CIMAP3: variants seen among roughly 807,000 people sequenced by gnomAD.
The protein encoded by CIMAP3 is ciliary microtubule-associated protein 3.
At chr1:111,347,663 A>G in the CIMAP3 span, 1 of 1,485,232 alleles carries the variant, frequency 6.7e-7, no homozygotes, top group Non-Finnish European at 9.1e-7. Flanking sequence ...TTTTTAATAT[A>G]CCACCCAAAG....
chr1:111,331,610 T>C, the CIMAP3 span, among the ~76,000 whole-genome samples: 63 of 152,324 alleles, frequency 4.1e-4, no homozygotes, highest in African/African-American at 1.5e-3. Flanking sequence ...CCTTATTTCA[T>C]TGAATTTTCT....
the CIMAP3 span, among the ~76,000 whole-genome samples, chr1:111,338,531 G>T: frequency 3.9e-5 from 6 of 152,038 alleles, no homozygotes; most frequent in East Asian, 5.8e-4. Context: ...TATCACCACC[G>T]ATCCCACAGA....
the CIMAP3 span, among the ~76,000 whole-genome samples, chr1:111,344,540 C>T: frequency 6.6e-6 from 1 of 152,134 alleles, no homozygotes; most frequent in South Asian, 2.1e-4. Flanking sequence ...TCTGAATGTT[C>T]TTTCTTTCTG....
At chr1:111,340,445 G>A in the CIMAP3 span, among the ~76,000 whole-genome samples, 17 of 152,000 alleles carry the variant, frequency 1.1e-4, no homozygotes, top group Admixed American at 2.6e-4. Context: ...GAAAATTTTC[G>A]CAACCTACTC....
the CIMAP3 span, among the ~76,000 whole-genome samples, chr1:111,329,880 G>T: frequency 2.6e-5 from 4 of 151,926 alleles, no homozygotes; most frequent in Admixed American, 1.3e-4. Flanking sequence ...CAGAAGTTTT[G>T]TTCATTCCTT....
the CIMAP3 span, among the ~76,000 whole-genome samples, chr1:111,331,025 C>T: frequency 6.6e-6 from 1 of 152,186 alleles, no homozygotes; most frequent in Non-Finnish European, 1.5e-5. Context: ...AAATATCAAC[C>T]CATTCTCTCC....
At chr1:111,334,998 C>T in the CIMAP3 span, among the ~76,000 whole-genome samples, 1 of 151,708 alleles carries the variant, frequency 6.6e-6, no homozygotes. Context: ...CGTGGTGGTG[C>T]ACACCTGTAA....
the CIMAP3 span, chr1:111,352,292 GCTT>G: frequency 6.6e-6 from 1 of 152,566 alleles, no homozygotes; most frequent in Non-Finnish European, 1.5e-5. Context: ...ACCCACTTAG[GCTT>G]CTTCGTAATT....
At chr1:111,325,011 T>A in the CIMAP3 span, 1 of 527,934 alleles carries the variant, frequency 1.9e-6, no homozygotes, top group Non-Finnish European at 2.4e-6. Context: ...TGATTCTGGA[T>A]GGAGGCAGAG....
At chr1:111,332,842 C>T in the CIMAP3 span, among the ~76,000 whole-genome samples, 1 of 152,212 alleles carries the variant, frequency 6.6e-6, no homozygotes, top group African/African-American at 2.4e-5. Flanking sequence ...GCTCAGCTGG[C>T]CTGGGGGCTT....
the CIMAP3 span, chr1:111,347,065 C>T: frequency 6.3e-7 from 1 of 1,586,580 alleles, no homozygotes; most frequent in Non-Finnish European, 8.6e-7. Context: ...TATTCACCTC[C>T]CCTTAGATGC....
the CIMAP3 span, among the ~76,000 whole-genome samples, chr1:111,332,504 AG>A: frequency 2.6e-5 from 4 of 152,144 alleles, no homozygotes; most frequent in African/African-American, 9.7e-5. Flanking sequence ...TTCTGCAGAC[AG>A]TAGACCACAG....
chr1:111,351,147 T>C, the CIMAP3 span: 1 of 777,282 alleles, frequency 1.3e-6, no homozygotes, highest in South Asian at 1.6e-5. Context: ...GGAGTTGGGA[T>C]TCACCTCTAT....
chr1:111,329,917 A>G, the CIMAP3 span, among the ~76,000 whole-genome samples: 38 of 151,666 alleles, frequency 2.5e-4, no homozygotes, highest in Admixed American at 1.2e-3. Context: ...TTTTTGTCTG[A>G]CTGTCTTATT....
chr1:111,347,556 G>C, the CIMAP3 span: 1 of 643,254 alleles, frequency 1.6e-6, no homozygotes, highest in Non-Finnish European at 2.7e-6. Context: ...GTTCAGATGG[G>C]AACACACTAA....
the CIMAP3 span, among the ~76,000 whole-genome samples, chr1:111,334,292 G>C: frequency 6.6e-6 from 1 of 152,290 alleles, no homozygotes; most frequent in African/African-American, 2.4e-5. Context: ...GAGAAAAGTG[G>C]TGACAGTTTA....
chr1:111,331,498 T>C, the CIMAP3 span, among the ~76,000 whole-genome samples: 1 of 152,304 alleles, frequency 6.6e-6, no homozygotes, highest in South Asian at 2.1e-4. Flanking sequence ...CTCTTAATTG[T>C]ATATTTACTT....
chr1:111,324,958 A>G, the CIMAP3 span: 2 of 834,058 alleles, frequency 2.4e-6, no homozygotes, highest in African/African-American at 3.7e-5. Context: ...TCTAACTGGA[A>G]AGAAGTAGAA....
At chr1:111,340,717 G>C in the CIMAP3 span, among the ~76,000 whole-genome samples, 7 of 152,196 alleles carry the variant, frequency 4.6e-5, no homozygotes, top group African/African-American at 1.7e-4. Flanking sequence ...CAAGGTGCTA[G>C]AGAGGATGTG....
Sources: allele counts gnomAD v4.1 joint callset (sites outside exome capture counted in the v4.1 genomes callset), GRCh38; gene constraint gnomAD v4.1.1; transcripts MANE v1.5; gene names NCBI Gene and HGNC (gene_info 2026-07-23, HGNC 2026-07-21).